The following CCDC148 variants were observed in gnomAD, a reference collection of about 807,000 sequenced individuals.
CCDC148 encodes coiled-coil domain-containing protein 148.
CCDC148 carries 89 observed loss-of-function variants against 85.7 expected under a neutral mutation model. The observed-to-expected ratio is 1.04, with a 90% CI of 0.87 to 1.24. The LOEUF is 1.24. CCDC148 is among the 50% of genes most tolerant of loss of function. CCDC148 has a pLI of 0.00. For missense variants in CCDC148, 692 were observed against 671.7 expected (o/e 1.03, Z -0.33); for synonymous variants, 230 against 213.9 (o/e 1.08, Z -0.66).
chr2:158,175,479 C>G (rs1684534705), intron 13 of CCDC148, among the ~76,000 whole-genome samples: 1 of 151,954 alleles, frequency 6.6e-6, no homozygotes, highest in African/African-American at 2.4e-5. Context: ...TTCCCTTCTT[C>G]TTCCTAGGGC....
intron 3 of CCDC148, among the ~76,000 whole-genome samples, chr2:158,341,730 TA>T (rs1052680938): frequency 2.3e-4 from 35 of 152,110 alleles, no homozygotes; most frequent in African/African-American, 8.0e-4. Flanking sequence ...TTAAATCATA[TA>T]AAAGAGTTTT....
intron 7 of CCDC148, among the ~76,000 whole-genome samples, chr2:158,325,217 T>G (rs1692714746): frequency 6.6e-6 from 1 of 152,164 alleles, no homozygotes; most frequent in African/African-American, 2.4e-5. Flanking sequence ...CATTCCAATC[T>G]ATTCCATCAG....
chr2:158,428,471 T>C (rs1036054258), intron 1 of CCDC148, among the ~76,000 whole-genome samples: 3 of 151,892 alleles, frequency 2.0e-5, no homozygotes, highest in African/African-American at 7.3e-5. Context: ...GGTGAGAAGA[T>C]AGCAATTTCA....
intron 10 of CCDC148, among the ~76,000 whole-genome samples, chr2:158,234,040 G>T (rs1204679982): frequency 1.3e-5 from 2 of 152,100 alleles, no homozygotes; most frequent in Non-Finnish European, 2.9e-5. Flanking sequence ...GCTGGGCATG[G>T]TGGTGTGTGC....
chr2:158,197,899 CT>C (rs1685758377), intron 11 of CCDC148, among the ~76,000 whole-genome samples: 1 of 130,588 alleles, frequency 7.7e-6, no homozygotes, highest in African/African-American at 4.6e-5. Context: ...GCAATTAATT[CT>C]AATGAATTAA....
At chr2:158,188,913 T>C (rs560275382) in intron 11 of CCDC148, among the ~76,000 whole-genome samples, 322 of 151,730 alleles carry the variant, frequency 2.1e-3, no homozygotes, top group Non-Finnish European at 2.7e-3. Flanking sequence ...ATAAACCCAT[T>C]AAGAAGTAGG....
At chr2:158,270,271 T>C (rs1689641395) in intron 9 of CCDC148, among the ~76,000 whole-genome samples, 1 of 152,170 alleles carries the variant, frequency 6.6e-6, no homozygotes, top group African/African-American at 2.4e-5. Context: ...CACATCCTCA[T>C]GAGAATAATA....
intron 1 of CCDC148, among the ~76,000 whole-genome samples, chr2:158,384,389 G>A (rs568629935): frequency 6.6e-6 from 1 of 152,262 alleles, no homozygotes; most frequent in East Asian, 1.9e-4. Flanking sequence ...CCCAGTGCTG[G>A]AGGAGGGGTC....
intron 10 of CCDC148, among the ~76,000 whole-genome samples, chr2:158,240,059 C>T (rs1392433587): frequency 6.6e-6 from 1 of 151,204 alleles, no homozygotes; most frequent in African/African-American, 2.4e-5. Flanking sequence ...TCAGAGTGGC[C>T]CTCAGCCAAG....
intron 10 of CCDC148, 150 bp from the exon 11 acceptor site, chr2:158,220,863 T>C (rs1687144773): frequency 3.4e-6 from 2 of 583,128 alleles, no homozygotes; most frequent in South Asian, 2.3e-5. Flanking sequence ...TTATAATACA[T>C]TGGCAACAGA....
At chr2:158,350,748 A>G (rs1481292061) in intron 2 of CCDC148, among the ~76,000 whole-genome samples, 1 of 152,154 alleles carries the variant, frequency 6.6e-6, no homozygotes, top group Non-Finnish European at 1.5e-5. Flanking sequence ...CTTTTGTATT[A>G]TATTTTTAAT....
At chr2:158,433,526 T>C (rs1268356154) in intron 1 of CCDC148, among the ~76,000 whole-genome samples, 1 of 152,048 alleles carries the variant, frequency 6.6e-6, no homozygotes, top group African/African-American at 2.4e-5. Flanking sequence ...GATGGCCGAA[T>C]AGGAACAGCT....
chr2:158,366,063 C>G (rs1186205942), intron 1 of CCDC148: 23 of 1,539,036 alleles, frequency 1.5e-5, no homozygotes, highest in Non-Finnish European at 2.0e-5. Flanking sequence ...CTCTTTGATT[C>G]ATGTTTTCCG....
rs571735441 is a variant in CCDC148, at chr2:158,229,576, C to T, written c.1252-8863G>A. ...TTCACTATGTTCAGCTCCATACCTG[C>T]TGCTATTTCCTCACTTTCATCAGAG... On this transcript the variant is annotated intron_variant, in intron 10 of 13. Coordinates refer to ENST00000283233, the MANE Select transcript of CCDC148 (RefSeq NM_138803.4). Among the ~76,000 whole-genome samples, 19 of 152,310 alleles carry T rather than the reference C, an allele frequency of 1.2e-4. No individual in the cohort carries two copies. The South Asian group carries it at 3.7e-3, about 30-fold the overall frequency.
intron 9 of CCDC148, among the ~76,000 whole-genome samples, chr2:158,264,481 T>C (rs1689370274): frequency 6.6e-6 from 1 of 152,118 alleles, no homozygotes; most frequent in Non-Finnish European, 1.5e-5. Context: ...AATGAATATT[T>C]CAAACTAAAT....
At chr2:158,351,231 C>A (rs1265741704) in intron 2 of CCDC148, among the ~76,000 whole-genome samples, 1 of 152,106 alleles carries the variant, frequency 6.6e-6, no homozygotes, top group East Asian at 1.9e-4. Context: ...CTGACCATAG[C>A]CCAAGATGGC....
At chr2:158,388,552 T>C (rs755054193) in intron 1 of CCDC148, among the ~76,000 whole-genome samples, 3 of 152,280 alleles carry the variant, frequency 2.0e-5, no homozygotes, top group South Asian at 2.1e-4. Context: ...TGGAGTGCAA[T>C]GGTGCAATCT....
At chr2:158,181,774 G>A (rs1684915683) in intron 11 of CCDC148, among the ~76,000 whole-genome samples, 1 of 152,060 alleles carries the variant, frequency 6.6e-6, no homozygotes, top group African/African-American at 2.4e-5. Flanking sequence ...AGAGGGCCAA[G>A]AACTGAAGCT....
intron 9 of CCDC148, among the ~76,000 whole-genome samples, chr2:158,256,596 C>G (rs1689021446): frequency 6.6e-6 from 1 of 151,680 alleles, no homozygotes; most frequent in Admixed American, 6.6e-5. Flanking sequence ...CTGAGCAGTG[C>G]CTATAACTGA....
Sources: gnomAD v4.1 joint callset for allele counts (sites outside exome capture counted in the v4.1 genomes callset) on GRCh38, gnomAD v4.1.1 for gene constraint, MANE v1.5 for transcripts, NCBI Gene and HGNC (gene_info 2026-07-23, HGNC 2026-07-21) for gene names.